The following SERGEF variants were observed in gnomAD, a reference collection of about 807,000 sequenced individuals.
SERGEF encodes the protein secretion-regulating guanine nucleotide exchange factor.
Under a neutral mutation model 50.0 loss-of-function variants are expected in SERGEF, and 51 were observed. The ratio of observed to expected loss-of-function variants is 1.02; its 90% CI spans 0.81 to 1.29. The LOEUF is 1.29. Among genes scored for constraint, SERGEF ranks in the 50% most tolerant of loss-of-function variants. The pLI is 0.00. For synonymous variants in SERGEF, 205 were observed against 212.4 expected (o/e 0.97, Z 0.30); for missense variants, 521 against 557.0 (o/e 0.94, Z 0.65).
At chr11:17,940,376 C>T (rs1014160555) in intron 9 of SERGEF, among the ~76,000 whole-genome samples, 1 of 152,122 alleles carries the variant, frequency 6.6e-6, no homozygotes, top group Non-Finnish European at 1.5e-5. Flanking sequence ...CATACTTAGC[C>T]TCTTTGAGTT....
chr11:17,930,619 A>G (rs1353513740), intron 9 of SERGEF, among the ~76,000 whole-genome samples: 1 of 152,188 alleles, frequency 6.6e-6, no homozygotes, highest in Non-Finnish European at 1.5e-5. Context: ...TAGGTAACTT[A>G]ATGGAATCCA....
At chr11:17,866,716 G>C (rs1475040906) in intron 10 of SERGEF, 1 of 152,114 alleles carries the variant, frequency 6.6e-6, no homozygotes, top group African/African-American at 2.4e-5. Context: ...CATTTTATTA[G>C]TCTGTTTTAA....
intron 10 of SERGEF, among the ~76,000 whole-genome samples, chr11:17,831,312 C>T (rs946074289): frequency 6.6e-6 from 1 of 152,208 alleles, no homozygotes; most frequent in African/African-American, 2.4e-5. Context: ...CAGTCCAGCA[C>T]TCTCCTTCAG....
At chr11:17,790,861 G>C (rs778271257) in intron 10 of SERGEF, among the ~76,000 whole-genome samples, 29 of 152,184 alleles carry the variant, frequency 1.9e-4, no homozygotes, top group South Asian at 6.2e-4. Flanking sequence ...CTACTAGTGA[G>C]ATGGAGCAGT....
chr11:17,825,870 A>C (rs1393104143), intron 10 of SERGEF, among the ~76,000 whole-genome samples: 1 of 152,202 alleles, frequency 6.6e-6, no homozygotes, highest in African/African-American at 2.4e-5. Flanking sequence ...AGTACACCTC[A>C]CTCACAGGGT....
At chr11:17,861,649 G>A (rs529112829) in intron 10 of SERGEF, among the ~76,000 whole-genome samples, 14 of 152,350 alleles carry the variant, frequency 9.2e-5, no homozygotes, top group Admixed American at 3.3e-4. Flanking sequence ...CATGCGTGCC[G>A]CAAGGGCTAC....
intron 10 of SERGEF, chr11:17,877,775 C>T (rs1383700934): frequency 1.3e-5 from 2 of 155,130 alleles, no homozygotes; most frequent in Non-Finnish European, 2.8e-5. Context: ...CTGAGTGCCA[C>T]TAAATACAAG....
intron 9 of SERGEF, among the ~76,000 whole-genome samples, chr11:17,911,329 A>T (rs1041203608): frequency 6.8e-6 from 1 of 146,078 alleles, no homozygotes; most frequent in African/African-American, 2.5e-5. Context: ...TATATATATT[A>T]TATATATATT....
chr11:17,848,371 A>G (rs1850653271), intron 10 of SERGEF, among the ~76,000 whole-genome samples: 1 of 152,222 alleles, frequency 6.6e-6, no homozygotes, highest in African/African-American at 2.4e-5. Flanking sequence ...CCAGACATAC[A>G]AAAGCATACA....
chr11:17,954,725 T>C (rs1348686073), intron 9 of SERGEF, among the ~76,000 whole-genome samples: 1 of 152,234 alleles, frequency 6.6e-6, no homozygotes, highest in Non-Finnish European at 1.5e-5. Flanking sequence ...CTGAGTTCCC[T>C]GGCTGGGATT....
intron 8 of SERGEF, among the ~76,000 whole-genome samples, chr11:17,976,111 C>A (rs1853367761): frequency 6.6e-6 from 1 of 152,084 alleles, no homozygotes; most frequent in Non-Finnish European, 1.5e-5. Flanking sequence ...CAACAAATAG[C>A]CAAATCAGAA....
At chr11:17,935,314 C>G (rs1852429925) in intron 9 of SERGEF, among the ~76,000 whole-genome samples, 1 of 152,048 alleles carries the variant, frequency 6.6e-6, no homozygotes, top group South Asian at 2.1e-4. Context: ...TGTCTCCACA[C>G]ACAAAAAATT....
At chr11:17,846,745 C>A (rs918847820) in intron 10 of SERGEF, 5 of 456,154 alleles carry the variant, frequency 1.1e-5, no homozygotes, top group Admixed American at 2.3e-5. Context: ...GATAATAATA[C>A]TTACCTTGCA....
At chr11:17,822,434 A>G (rs1047081263) in intron 10 of SERGEF, among the ~76,000 whole-genome samples, 3 of 152,216 alleles carry the variant, frequency 2.0e-5, no homozygotes, top group African/African-American at 7.2e-5. Context: ...ATCTTAGTCT[A>G]TAAGAGCAAG....
intron 7 of SERGEF, among the ~76,000 whole-genome samples, chr11:17,990,443 T>A (rs950754200): frequency 6.6e-6 from 1 of 152,230 alleles, no homozygotes; most frequent in African/African-American, 2.4e-5. Flanking sequence ...GTGCAAAGTA[T>A]GAAGATCTCT....
chr11:18,012,632 T>C, intron 1 of SERGEF: 1 of 1,180,462 alleles, frequency 8.5e-7, no homozygotes, highest in South Asian at 1.6e-5. Context: ...CCGCGCTGTC[T>C]TCCAGGCGCT....
intron 1 of SERGEF, among the ~76,000 whole-genome samples, chr11:18,011,167 C>CACACA (rs1565231392): frequency 6.6e-6 from 1 of 150,592 alleles, no homozygotes; most frequent in Non-Finnish European, 1.5e-5. Flanking sequence ...CACACACACA[C>CACACA]CCCTAACAAG....
At chr11:17,890,304 T>C (rs755341220) in intron 9 of SERGEF, among the ~76,000 whole-genome samples, 1 of 152,134 alleles carries the variant, frequency 6.6e-6, no homozygotes, top group Non-Finnish European at 1.5e-5. Context: ...AGGTTTCTCA[T>C]AGTCAGGGAA....
rs538657109 is a variant in SERGEF at position 18,007,719 on chromosome 11, AG to A, written c.196+221del. 3.2e-4 allele frequency among the ~76,000 whole-genome samples: 41 copies of A among 128,878 alleles called. No individual in the cohort carries two copies. In the South Asian group the frequency reaches 9.7e-3, roughly 30 times the overall value. 84.5% of individuals were successfully genotyped at this position (128,878 alleles called of 152,430 possible). On this transcript the variant is annotated intron_variant, in intron 2 of 10. Transcript: ENST00000265965. The stretch of plus-strand genomic sequence containing the variant: ...TTTCTGAGTTTCATTTGTATAATGG[AG>A]GGGGTGGGGGAAAGGGGTGGCCTAG...
Sources: gnomAD v4.1 joint callset for allele counts (sites outside exome capture counted in the v4.1 genomes callset) on GRCh38, gnomAD v4.1.1 for gene constraint, MANE v1.5 for transcripts, NCBI Gene and HGNC (gene_info 2026-07-23, HGNC 2026-07-21) for gene names.